Variants in PRKCA observed in about 807,000 individuals in gnomAD.
The protein encoded by PRKCA is protein kinase C alpha.
A neutral mutation model predicts 87.0 loss-of-function variants in PRKCA; 27 were observed. The ratio of observed to expected loss-of-function variants is 0.31; its 90% CI spans 0.23 to 0.43. The LOEUF (loss-of-function observed/expected upper bound fraction) is 0.43. PRKCA is among the 20% of genes least tolerant of loss of function. The pLI is 1.00. For missense variants in PRKCA, 518 were observed against 852.3 expected (o/e 0.61, Z 4.88); for synonymous variants, 329 against 311.1 (o/e 1.06, Z -0.61).
At chr17:66,676,070 C>T (rs1048601208) in intron 5 of PRKCA, among the ~76,000 whole-genome samples, 3 of 152,098 alleles carry the variant, frequency 2.0e-5, no homozygotes, top group African/African-American at 4.8e-5. Context: ...CAACATTTGC[C>T]GAGGAGTTCT....
intron 5 of PRKCA, among the ~76,000 whole-genome samples, chr17:66,678,691 C>G (rs1439870695): frequency 6.6e-6 from 1 of 151,558 alleles, no homozygotes; most frequent in Admixed American, 6.6e-5. Context: ...ACAGTCCCAG[C>G]CACCCAACAG....
At chr17:66,775,001 G>C (rs1403492044) in intron 14 of PRKCA, 24 of 985,256 alleles carry the variant, frequency 2.4e-5, no homozygotes, top group Non-Finnish European at 2.9e-5. Flanking sequence ...GTGTCATCAG[G>C]GTGAATCGTA....
intron 2 of PRKCA, among the ~76,000 whole-genome samples, chr17:66,408,377 T>C (rs927729376): frequency 1.3e-5 from 2 of 152,228 alleles, no homozygotes; most frequent in Non-Finnish European, 2.9e-5. Context: ...TTTTAGGGCA[T>C]TACTTTAGTC....
rs142312202 is a variant in PRKCA, at chr17:66,662,253, A to G, written c.529+16742A>G. On this transcript the variant is annotated intron_variant, in intron 5 of 16. Coordinates refer to ENST00000413366, the MANE Select transcript of PRKCA (RefSeq NM_002737.3). ...CTCTCTCTTCCGTCCAAACGAAAGC[A>G]CTTAGATGTCACATGCCCACCTTGT... Among the ~76,000 whole-genome samples the G allele has an allele frequency of 2.6e-5, 4 of 152,288 alleles. No individual in the cohort carries two copies. The East Asian group carries it at 5.8e-4, about 22-fold the overall frequency.
chr17:66,535,513 C>T (rs923057964), intron 3 of PRKCA, among the ~76,000 whole-genome samples: 2 of 152,192 alleles, frequency 1.3e-5, no homozygotes, highest in African/African-American at 4.8e-5. Flanking sequence ...AGGCCTCTAA[C>T]TGATGGGGTG....
At chr17:66,786,803 A>G (rs947865409) in intron 14 of PRKCA, 64 bp from the exon 15 acceptor site, 43 of 1,364,566 alleles carry the variant, frequency 3.2e-5, no homozygotes, top group Admixed American at 1.3e-4. Flanking sequence ...TTGGCTCTTC[A>G]GGCACCATGT....
chr17:66,412,584 C>T (rs1237388678), intron 2 of PRKCA: 1 of 152,096 alleles, frequency 6.6e-6, no homozygotes, highest in African/African-American at 2.4e-5. Flanking sequence ...TGCAGGGACC[C>T]ATTTGCCCCA....
At chr17:66,577,838 TG>T (rs1053785979) in intron 3 of PRKCA, among the ~76,000 whole-genome samples, 17 of 152,010 alleles carry the variant, frequency 1.1e-4, no homozygotes, top group Non-Finnish European at 1.8e-4. Flanking sequence ...GACGGGGTAG[TG>T]GGGGGTAGGG....
chr17:66,635,947 A>G (rs1971141033), intron 3 of PRKCA, among the ~76,000 whole-genome samples: 1 of 152,110 alleles, frequency 6.6e-6, no homozygotes, highest in African/African-American at 2.4e-5. Context: ...ATTATTTCAA[A>G]TTAAATAGCT....
intron 3 of PRKCA, among the ~76,000 whole-genome samples, chr17:66,561,664 T>A (rs1968681960): frequency 6.6e-6 from 1 of 152,188 alleles, no homozygotes; most frequent in African/African-American, 2.4e-5. Context: ...CCCAAGTGCC[T>A]ATTGAACAGA....
intron 2 of PRKCA, among the ~76,000 whole-genome samples, chr17:66,437,741 G>T (rs1913483153): frequency 2.3e-5 from 1 of 42,850 alleles, no homozygotes; most frequent in Non-Finnish European, 5.9e-5. Flanking sequence ...TGAGCGGGGG[G>T]TGGGTGGGGC....
At chr17:66,770,072 C>T (rs1179240952) in intron 13 of PRKCA, among the ~76,000 whole-genome samples, 1 of 152,192 alleles carries the variant, frequency 6.6e-6, no homozygotes, top group Middle Eastern at 3.2e-3. Context: ...TATTTCCTCT[C>T]AGATTTATAC....
intron 3 of PRKCA, among the ~76,000 whole-genome samples, chr17:66,536,440 C>T (rs1967785897): frequency 6.6e-6 from 1 of 152,212 alleles, no homozygotes; most frequent in South Asian, 2.1e-4. Flanking sequence ...GAGGTTACAG[C>T]ATAGATTATG....
At chr17:66,626,544 G>A (rs866785249) in intron 3 of PRKCA, among the ~76,000 whole-genome samples, 3 of 110,440 alleles carry the variant, frequency 2.7e-5, no homozygotes, top group East Asian at 2.5e-4. Context: ...TTTTTTTTTT[G>A]TATTTTTAGT....
chr17:66,713,454 C>T (rs1973390628), intron 8 of PRKCA, among the ~76,000 whole-genome samples: 1 of 152,190 alleles, frequency 6.6e-6, no homozygotes, highest in Admixed American at 6.5e-5. Context: ...GTACCCCACC[C>T]TACTCCCACC....
At chr17:66,628,889 C>T (rs1183711087) in intron 3 of PRKCA, among the ~76,000 whole-genome samples, 1 of 152,112 alleles carries the variant, frequency 6.6e-6, no homozygotes, top group Non-Finnish European at 1.5e-5. Flanking sequence ...ATTAGCCAGG[C>T]ATGTTGGCGC....
At chr17:66,402,589 G>A (rs1052606479) in intron 2 of PRKCA, among the ~76,000 whole-genome samples, 2 of 152,118 alleles carry the variant, frequency 1.3e-5, no homozygotes, top group East Asian at 3.9e-4. Flanking sequence ...AGTCTGAGGT[G>A]TTGGGACAAT....
At chr17:66,363,158 G>A (rs950978798) in intron 2 of PRKCA, among the ~76,000 whole-genome samples, 2 of 152,180 alleles carry the variant, frequency 1.3e-5, no homozygotes, top group South Asian at 2.1e-4. Context: ...GCTTTCACAG[G>A]TATGTACATT....
chr17:66,688,866 C>T (rs538708091), intron 7 of PRKCA, 85 bp from the exon 8 acceptor site: 119 of 799,850 alleles, frequency 1.5e-4, no homozygotes, highest in African/African-American at 1.4e-3. Context: ...CCGTAGGATG[C>T]GTTTCACAAA....
Sources: gnomAD v4.1 joint callset for allele counts (sites outside exome capture counted in the v4.1 genomes callset) on GRCh38, gnomAD v4.1.1 for gene constraint, MANE v1.5 for transcripts, NCBI Gene and HGNC (gene_info 2026-07-23, HGNC 2026-07-21) for gene names.